The following PTPRN2 variants were observed in gnomAD, a reference collection of about 807,000 sequenced individuals.
PTPRN2 encodes protein tyrosine phosphatase receptor type N2, also known as receptor-type tyrosine-protein phosphatase N2.
A neutral mutation model predicts 118.8 loss-of-function variants in PTPRN2; 74 were observed. The observed-to-expected ratio is 0.62, with a 90% CI of 0.52 to 0.76. The LOEUF (loss-of-function observed/expected upper bound fraction) is 0.76. Among genes scored for constraint, PTPRN2 ranks in the 30% least tolerant of loss-of-function variants. The pLI is 0.00. For synonymous variants in PTPRN2, 641 were observed against 608.0 expected, an observed-to-expected ratio of 1.05 and a Z score of -0.80; for missense variants, 1,481 against 1,394.4, an observed-to-expected ratio of 1.06 and a Z score of -0.99.
At chr7:158,216,257 G>A (rs935595629) in intron 3 of PTPRN2, among the ~76,000 whole-genome samples, 5 of 151,970 alleles carry the variant, frequency 3.3e-5, no homozygotes, top group Admixed American at 1.3e-4. Flanking sequence ...AGATAAAGTG[G>A]ATTTCCAAAA....
chr7:158,245,244 G>A (rs577899702), intron 3 of PTPRN2, among the ~76,000 whole-genome samples: 1 of 149,916 alleles, frequency 6.7e-6, no homozygotes, highest in African/African-American at 2.5e-5. Context: ...GCCGGAATCC[G>A]TGGTCATGCT....
chr7:158,522,270 TGCTGGCTCGGG>T lies in PTPRN2; in HGVS notation c.113-32496_113-32486del, dbSNP rs1229462019. ...ACGTCACAATGGTGGACTGTCCAGG[TGCTGGCTCGGG>T]AGGGAGGTCCACGTCACAATGGTGG... On this transcript the variant is annotated intron_variant, in intron 1 of 22. Transcript: ENST00000389418. Among the ~76,000 whole-genome samples, 124 of 68,220 alleles carry T rather than the reference TGCTGGCTCGGG, an allele frequency of 1.8e-3. 14 individuals carry two copies. The highest frequency in any genetic ancestry group is 4.6e-3 in the East Asian group (5 of 1,080). The allele number at this position is 68,220 out of a possible 152,430, so 44.8% of individuals were successfully genotyped here.
At chr7:158,521,996 CG>C (rs1348869061) in intron 1 of PTPRN2, among the ~76,000 whole-genome samples, 12 of 88,142 alleles carry the variant, frequency 1.4e-4, no homozygotes, top group African/African-American at 2.5e-4. Flanking sequence ...GGTGCTGGCT[CG>C]GGAGGGAGGT....
chr7:158,371,692 T>C (rs1341392049), intron 2 of PTPRN2, among the ~76,000 whole-genome samples: 1 of 152,184 alleles, frequency 6.6e-6, no homozygotes, highest in African/African-American at 2.4e-5. Flanking sequence ...TAGGGGAATG[T>C]TCTAAGGAAA....
chr7:157,723,585 C>A (rs1411958997), intron 12 of PTPRN2, among the ~76,000 whole-genome samples: 1 of 152,224 alleles, frequency 6.6e-6, no homozygotes, highest in East Asian at 1.9e-4. Flanking sequence ...TGCTCTTCAC[C>A]CATCCACCTG....
At chr7:158,070,487 G>C (rs1355046889) in intron 11 of PTPRN2, among the ~76,000 whole-genome samples, 9 of 139,234 alleles carry the variant, frequency 6.5e-5, no homozygotes, top group African/African-American at 1.1e-4. Flanking sequence ...GGTGCTCCTG[G>C]TGGTGGAGGT....
intron 10 of PTPRN2, among the ~76,000 whole-genome samples, chr7:158,089,194 G>T (rs75723358): frequency 2.2e-4 from 6 of 26,746 alleles, no homozygotes; most frequent in African/African-American, 4.1e-4. Flanking sequence ...CTTCCCCTGA[G>T]GAAAGGGGGA....
At chr7:158,495,223 C>T (rs1354175000) in intron 1 of PTPRN2, among the ~76,000 whole-genome samples, 1 of 152,222 alleles carries the variant, frequency 6.6e-6, no homozygotes, top group Non-Finnish European at 1.5e-5. Context: ...AACGCTAGGG[C>T]TTACGACAGC....
intron 11 of PTPRN2, among the ~76,000 whole-genome samples, chr7:157,980,615 G>A (rs552075960): frequency 2.0e-5 from 3 of 152,274 alleles, no homozygotes; most frequent in South Asian, 4.1e-4. Flanking sequence ...GCTGGGCATG[G>A]TGGCACGTGC....
chr7:158,361,783 G>C (rs1263766368), intron 2 of PTPRN2, among the ~76,000 whole-genome samples: 1 of 152,166 alleles, frequency 6.6e-6, no homozygotes, highest in Non-Finnish European at 1.5e-5. Context: ...CTGGAGCCAG[G>C]TGTGGGCTCA....
chr7:158,421,604 G>A (rs1179981529), intron 2 of PTPRN2, among the ~76,000 whole-genome samples: 2 of 152,224 alleles, frequency 1.3e-5, no homozygotes, highest in African/African-American at 2.4e-5. Flanking sequence ...TTTTAGGACA[G>A]CTGGGTAATG....
chr7:157,756,349 C>T (rs1801779041), intron 12 of PTPRN2, among the ~76,000 whole-genome samples: 1 of 151,314 alleles, frequency 6.6e-6, no homozygotes, highest in Non-Finnish European at 1.5e-5. Context: ...GGCTGGAGTG[C>T]AGTGGCGCGA....
chr7:158,318,126 G>C (rs1011916412), intron 2 of PTPRN2, among the ~76,000 whole-genome samples: 1 of 152,084 alleles, frequency 6.6e-6, no homozygotes, highest in Non-Finnish European at 1.5e-5. Context: ...GAGGGCTCTC[G>C]GGGACGCGTC....
At chr7:158,460,771 A>G (rs989180373) in intron 2 of PTPRN2, among the ~76,000 whole-genome samples, 22 of 152,268 alleles carry the variant, frequency 1.4e-4, no homozygotes, top group African/African-American at 4.8e-4. Flanking sequence ...ACCATCGTTC[A>G]TGATCGAGCT....
intron 12 of PTPRN2, among the ~76,000 whole-genome samples, chr7:157,887,592 A>C: frequency 3.1e-5 from 1 of 32,220 alleles, no homozygotes; most frequent in Non-Finnish European, 5.9e-5. Flanking sequence ...CCACTCCATT[A>C]CCCACTCTCC....
In PTPRN2 at chr7:157,890,941, C is replaced by T. The variant is rs144279909; in HGVS notation, c.1788+7732G>A. On this transcript the variant is annotated intron_variant, in intron 12 of 22. Transcript: ENST00000389418. ...AAGGCACGGTCCTGCTGCTGGGCAC[C>T]GCAGAGCAACAACAGCTGTCACCCT... Among the ~76,000 whole-genome samples the T allele has an allele frequency of 1.1e-4, 17 of 152,314 alleles. No individual in the cohort carries two copies. The East Asian group carries it at 1.7e-3, about 16-fold the overall frequency.
At chr7:158,410,254 C>T (rs748151411) in intron 2 of PTPRN2, among the ~76,000 whole-genome samples, 3 of 152,282 alleles carry the variant, frequency 2.0e-5, no homozygotes, top group Admixed American at 1.3e-4. Context: ...GAGCCTCTCC[C>T]GACACCAAAA....
At position 158,232,041 on chromosome 7, in the gene PTPRN2, A is replaced by G. The variant is rs530278656; in HGVS notation, c.278-26768T>C. 3.9e-5 allele frequency among the ~76,000 whole-genome samples: 6 copies of G among 152,270 alleles called. No homozygotes were observed. The South Asian group carries it at 8.3e-4, about 21-fold the overall frequency. The stretch of plus-strand genomic sequence containing the variant: ...AAGACTTCAAATAAACAACCTAACC[A>G]TGCACCTCAAGGACCAAGGAAAGCA... On this transcript the variant is annotated intron_variant, in intron 3 of 22. Transcript: ENST00000389418.
chr7:157,544,555 G>A (rs1312634701), intron 22 of PTPRN2, among the ~76,000 whole-genome samples: 1 of 152,260 alleles, frequency 6.6e-6, no homozygotes, highest in Non-Finnish European at 1.5e-5. Context: ...GGAGGGGGCG[G>A]GGCCTCCCGT....
Sources: allele counts gnomAD v4.1 joint callset (sites outside exome capture counted in the v4.1 genomes callset), GRCh38; gene constraint gnomAD v4.1.1; transcripts MANE v1.5; gene names NCBI Gene and HGNC (gene_info 2026-07-23, HGNC 2026-07-21).